Variants in ARMC2 observed in about 807,000 individuals in gnomAD.
The protein encoded by ARMC2 is armadillo repeat containing 2.
Under a neutral mutation model 90.3 loss-of-function variants are expected in ARMC2, and 67 were observed. That is an observed-to-expected ratio of 0.74 (90% CI 0.61 to 0.91). The LOEUF is 0.91. Ranked by LOEUF, ARMC2 falls within the 40% of genes least tolerant of loss-of-function variation. The pLI is 0.00. For synonymous variants in ARMC2, 393 were observed against 393.0 expected, an observed-to-expected ratio of 1.00 and a Z score of 0.00; for missense variants, 920 against 1,030.9, an observed-to-expected ratio of 0.89 and a Z score of 1.47.
At chr6:109,018,422 G>T in the ARMC2 span, among the ~76,000 whole-genome samples, 1 of 152,220 alleles carries the variant, frequency 6.6e-6, no homozygotes, top group Non-Finnish European at 1.5e-5. Flanking sequence ...ATTAATGCGT[G>T]TCTACATCAG....
intron 2 of ARMC2, among the ~76,000 whole-genome samples, chr6:108,857,106 G>T (rs1040995450): frequency 6.6e-6 from 1 of 152,144 alleles, no homozygotes; most frequent in Admixed American, 6.5e-5. Flanking sequence ...TCTACAAAAT[G>T]ACTTGCCAGG....
At chr6:108,864,265 T>TC (rs1213621270) in intron 3 of ARMC2, among the ~76,000 whole-genome samples, 4 of 150,762 alleles carry the variant, frequency 2.7e-5, no homozygotes, top group African/African-American at 9.8e-5. Flanking sequence ...TTTTTTTTTT[T>TC]TTGAGATGGA....
chr6:108,998,174 A>G, the ARMC2 span, among the ~76,000 whole-genome samples: 2 of 152,152 alleles, frequency 1.3e-5, no homozygotes, highest in African/African-American at 2.4e-5. Context: ...AGGCCACACT[A>G]TTTTCAGCCT....
At chr6:108,943,029 G>A (rs534739199) in intron 12 of ARMC2, among the ~76,000 whole-genome samples, 5 of 152,278 alleles carry the variant, frequency 3.3e-5, no homozygotes, top group South Asian at 2.1e-4. Flanking sequence ...CGCTGCTGCC[G>A]TCCACAGAGG....
intron 10 of ARMC2, among the ~76,000 whole-genome samples, chr6:108,919,762 C>A (rs1206156747): frequency 6.6e-6 from 1 of 152,078 alleles, no homozygotes; most frequent in East Asian, 1.9e-4. Flanking sequence ...TTCCTCCCAC[C>A]TCTTCTCATT....
At chr6:108,967,051 C>G (rs1026846582) in intron 17 of ARMC2, among the ~76,000 whole-genome samples, 26 of 152,220 alleles carry the variant, frequency 1.7e-4, no homozygotes, top group Admixed American at 6.5e-5. Flanking sequence ...GCTCCGCCCC[C>G]TGGGCTCTGC....
the ARMC2 span, among the ~76,000 whole-genome samples, chr6:109,042,895 A>G: frequency 1.3e-5 from 2 of 152,124 alleles, no homozygotes; most frequent in Admixed American, 6.5e-5. Context: ...GACAAAGACA[A>G]TACAAAAAAA....
chr6:108,974,490 A>G (rs1050692882), downstream of ARMC2: 5 of 152,316 alleles, frequency 3.3e-5, no homozygotes, highest in East Asian at 1.9e-4. Flanking sequence ...TGAGATTACT[A>G]TTATTATCCT....
the ARMC2 span, among the ~76,000 whole-genome samples, chr6:109,051,551 GA>G: frequency 6.6e-6 from 1 of 152,132 alleles, no homozygotes; most frequent in African/African-American, 2.4e-5. Context: ...TCTAAAGTAT[GA>G]AAAACACTTA....
chr6:108,992,103 A>G, the ARMC2 span, among the ~76,000 whole-genome samples: 1 of 151,498 alleles, frequency 6.6e-6, no homozygotes, highest in Non-Finnish European at 1.5e-5. Flanking sequence ...CCCTTAGCTT[A>G]TTTATTATTT....
the ARMC2 span, among the ~76,000 whole-genome samples, chr6:109,002,752 G>C: frequency 6.6e-6 from 1 of 152,140 alleles, no homozygotes; most frequent in South Asian, 2.1e-4. Flanking sequence ...CTTCCACCTA[G>C]GTGTCTTAAA....
In ARMC2 at chr6:108,953,280, C is replaced by T. The variant is rs2128505279; in HGVS notation, c.1844C>T (p.Ala615Val). 6.2e-7 allele frequency: 1 copy of T among 1,612,692 alleles called. No homozygotes were observed. The highest frequency in any genetic ancestry group is 8.5e-7 in the Non-Finnish European group (1 of 1,179,880). Residue 615 changes from alanine to valine, a missense_variant, in exon 13 of 18, where the codon GCC (alanine) becomes GTC (valine). Transcript: ENST00000392644. ...IKLTRVLANI[A>V]IHPGVGPVLA... Reference sequence around the variant, plus strand: ...CTGACTCGTGTGCTGGCCAACATTGCCATCCACCCGGGCGTGGGCCCGGTG... The same window carrying T: ...CTGACTCGTGTGCTGGCCAACATTGTCATCCACCCGGGCGTGGGCCCGGTG...
intron 15 of ARMC2, 115 bp from the exon 16 acceptor site, chr6:108,964,065 A>T: frequency 8.7e-7 from 1 of 1,148,348 alleles, no homozygotes; most frequent in Non-Finnish European, 1.2e-6. Flanking sequence ...TAAGTCCCTT[A>T]ACAGGGGTTC....
At chr6:108,862,345 AAAAAAAAAAAAAAC>A (rs1197697765) in intron 3 of ARMC2, among the ~76,000 whole-genome samples, 1 of 141,004 alleles carries the variant, frequency 7.1e-6, no homozygotes, top group Non-Finnish European at 1.5e-5. Flanking sequence ...CTCATCTCAA[AAAAAAAAAAAAAAC>A]AAAAAAAACA....
chr6:108,992,355 A>T, the ARMC2 span, among the ~76,000 whole-genome samples: 2 of 152,066 alleles, frequency 1.3e-5, no homozygotes, highest in Admixed American at 6.5e-5. Context: ...CGGCTCAGGC[A>T]ATCCACCTGC....
chr6:108,882,336 G>A (rs1471466438), intron 5 of ARMC2, among the ~76,000 whole-genome samples: 2 of 151,798 alleles, frequency 1.3e-5, no homozygotes, highest in African/African-American at 4.8e-5. Flanking sequence ...CTACTCGGGA[G>A]GTTGAGGCAG....
rs1777301989 is a variant in ARMC2 at position 108,953,034 on chromosome 6, A to C, written c.1598A>C (p.Asp533Ala). ...GACTCTGTCTTTCGTTTATTGCAGGATTTAGTCGTCCGTGTTGTTTTTATT... is the reference window on the plus strand; with the variant it reads ...GACTCTGTCTTTCGTTTATTGCAGGCTTTAGTCGTCCGTGTTGTTTTTATT... ...NLINKYQKKQDLVVRVVFILG... is the reference protein window; with the variant it reads ...NLINKYQKKQALVVRVVFILG... The change falls in exon 13 of 18, where the codon GAT (aspartate) becomes GCT (alanine). Residue 533 changes from aspartate (D) to alanine (A), a missense_variant and splice_region_variant. Coordinates refer to ENST00000392644, the MANE Select transcript of ARMC2 (RefSeq NM_032131.6). 1 of 1,605,174 alleles carries C rather than the reference A, an allele frequency of 6.2e-7. No homozygotes were observed. Among genetic ancestry groups the C allele is most frequent in the African/African-American group, 1.3e-5 (1 of 74,752 alleles).
chr6:108,902,576 T>G (rs1772259589), intron 7 of ARMC2, among the ~76,000 whole-genome samples: 1 of 152,218 alleles, frequency 6.6e-6, no homozygotes. Context: ...TCCCATCAAT[T>G]CATTCATTTA....
chr6:108,912,349 G>T lies in ARMC2; in HGVS notation c.1141G>T (p.Val381Leu), dbSNP rs1773524512. The change falls in exon 10 of 18, where the codon GTA becomes TTA. Residue 381 changes from valine to leucine, a missense_variant. By Grantham distance (32) the Val-to-Leu change is conservative (BLOSUM62 1). Coordinates refer to ENST00000392644, the MANE Select transcript of ARMC2 (RefSeq NM_032131.6). ...NDSILESLLEVLRSEDLQTNM... is the reference protein window; with the variant it reads ...NDSILESLLELLRSEDLQTNM... Reference sequence around the variant, plus strand: ...CTTTTTGACAGAATCATTATTGGAGGTACTAAGAAGTGAAGACCTGCAAAC... The same window carrying T: ...CTTTTTGACAGAATCATTATTGGAGTTACTAAGAAGTGAAGACCTGCAAAC... The T allele has an allele frequency of 6.2e-7, 1 of 1,603,102 alleles. No individual in the cohort carries two copies. Among genetic ancestry groups the T allele is most frequent in the Non-Finnish European group, 8.5e-7 (1 of 1,174,620 alleles).
Sources: gnomAD v4.1 joint callset for allele counts (sites outside exome capture counted in the v4.1 genomes callset) on GRCh38, gnomAD v4.1.1 for gene constraint, MANE v1.5 for transcripts, NCBI Gene and HGNC (gene_info 2026-07-23, HGNC 2026-07-21) for gene names.